DDR2: variants seen among roughly 807,000 people sequenced by gnomAD.
DDR2 encodes the protein discoidin domain-containing receptor 2.
DDR2 carries 27 observed loss-of-function variants against 94.9 expected under a neutral mutation model. That is an observed-to-expected ratio of 0.28 (90% CI 0.21 to 0.39). DDR2 has a LOEUF of 0.39. DDR2 is among the 10% of genes least tolerant of loss of function. The pLI is 1.00. For synonymous variants in DDR2, 382 were observed against 377.2 expected, an observed-to-expected ratio of 1.01 and a Z score of -0.15; for missense variants, 783 against 1,076.0, an observed-to-expected ratio of 0.73 and a Z score of 3.81.
At position 162,761,419 on chromosome 1, in the gene DDR2, C is replaced by G. The variant is rs1558071485; in HGVS notation, c.1064C>G (p.Thr355Ser). Residue 355 changes from threonine to serine, a missense_variant, in exon 9 of 18, where the codon ACC becomes AGC. Thr to Ser is a moderately conservative substitution (Grantham distance 58). Transcript: ENST00000367921. ...AIKCQYHFAD[T>S]WMMFSEITFQ... The stretch of plus-strand genomic sequence containing the variant: ...AAGTGTCAATACCATTTTGCAGATA[C>G]CTGGATGATGTTCAGTGAGATCACC... The G allele has an allele frequency of 6.2e-7, 1 of 1,614,118 alleles. No individual in the cohort carries two copies. The highest frequency in any genetic ancestry group is 8.5e-7 in the Non-Finnish European group (1 of 1,180,010).
intron 2 of DDR2, among the ~76,000 whole-genome samples, chr1:162,691,658 G>A (rs1659967559): frequency 6.6e-6 from 1 of 152,174 alleles, no homozygotes; most frequent in Non-Finnish European, 1.5e-5. Context: ...ACCTTTTGCT[G>A]ATTTCCATTG....
chr1:162,700,236 T>C (rs960855868), intron 2 of DDR2, among the ~76,000 whole-genome samples: 1 of 152,222 alleles, frequency 6.6e-6, no homozygotes, highest in Non-Finnish European at 1.5e-5. Context: ...GACAATATCC[T>C]GGCTTCTACT....
intron 3 of DDR2, among the ~76,000 whole-genome samples, chr1:162,729,901 G>A (rs866560351): frequency 6.6e-6 from 1 of 151,540 alleles, no homozygotes; most frequent in Admixed American, 6.6e-5. Context: ...GCACCACCAC[G>A]CCTGGCTAAT....
At chr1:162,679,816 TA>T (rs1659317049) in intron 2 of DDR2, among the ~76,000 whole-genome samples, 1 of 152,216 alleles carries the variant, frequency 6.6e-6, no homozygotes, top group African/African-American at 2.4e-5. Flanking sequence ...TGTTTTTTAA[TA>T]ATAGCTATTC....
At chr1:162,748,939 G>T (rs1283615320) in intron 3 of DDR2, among the ~76,000 whole-genome samples, 3 of 152,106 alleles carry the variant, frequency 2.0e-5, no homozygotes, top group Non-Finnish European at 4.4e-5. Flanking sequence ...CAGAAATAAA[G>T]ATGTTCTTTG....
intron 2 of DDR2, among the ~76,000 whole-genome samples, chr1:162,710,764 G>GCA (rs113812328): frequency 0.82 from 120,873 of 148,086 alleles, 49,260 homozygotes; most frequent in Middle Eastern, 0.91. Flanking sequence ...ACACAGTCAT[G>GCA]CACACACACA....
Position 162,755,715 on chromosome 1 carries a change from G to T in DDR2, c.617G>T (p.Gly206Val). ...GCTGGGCAGCAGTTTGTACTCCCTGGAGGTTCCATCATTTATCTGAATGAT... is the reference window on the plus strand; with the variant it reads ...GCTGGGCAGCAGTTTGTACTCCCTGTAGGTTCCATCATTTATCTGAATGAT... ...APAGQQFVLP[G>V]GSIIYLNDSV... The change falls in exon 7 of 18, where the codon GGA becomes GTA. Residue 206 changes from glycine to valine, a missense_variant. By Grantham distance (109) the Gly-to-Val change is moderately radical (BLOSUM62 -3). This residue lies in a region of DDR2 where 519 missense variants were observed against 647.9 expected (regional missense o/e 0.80). Coordinates refer to ENST00000367921, the MANE Select transcript of DDR2 (RefSeq NM_006182.4). The T allele has an allele frequency of 6.2e-7, 1 of 1,614,158 alleles. No individual in the cohort carries two copies. The highest frequency in any genetic ancestry group is 8.5e-7 in the Non-Finnish European group (1 of 1,180,022).
At chr1:162,630,878 C>T (rs1184200077), upstream of DDR2, among the ~76,000 whole-genome samples, 3 of 152,144 alleles carry the variant, frequency 2.0e-5, no homozygotes, top group African/African-American at 7.2e-5. Flanking sequence ...ACCCTCAGGC[C>T]TGACTTCAGA....
rs1449976338 is a variant in DDR2 at position 162,770,374 on chromosome 1, A to G, written c.1366A>G (p.Asn456Asp). ...GCCAAGTGATTCTAGCATGTTCAACAATAACCGCTCCTCATCACCTAGTGA... is the reference window on the plus strand; with the variant it reads ...GCCAAGTGATTCTAGCATGTTCAACGATAACCGCTCCTCATCACCTAGTGA... ...SLPSDSSMFN[N>D]NRSSSPSEQG... Residue 456 changes from asparagine (N) to aspartate (D), a missense_variant, in exon 12 of 18, where the codon AAT (asparagine) becomes GAT (aspartate). Asn to Asp is a conservative substitution (Grantham distance 23, BLOSUM62 1). This residue lies in a region of DDR2 where 519 missense variants were observed against 647.9 expected (regional missense o/e 0.80). Coordinates refer to ENST00000367921, the MANE Select transcript of DDR2 (RefSeq NM_006182.4). 8 of 1,613,990 alleles carry G rather than the reference A, an allele frequency of 5.0e-6. No homozygotes were observed. Among genetic ancestry groups the G allele is most frequent in the Admixed American group, 1.7e-5 (1 of 59,982 alleles).
intron 3 of DDR2, among the ~76,000 whole-genome samples, chr1:162,731,577 T>C (rs1256964300): frequency 1.3e-5 from 2 of 152,176 alleles, no homozygotes; most frequent in Admixed American, 1.3e-4. Flanking sequence ...ACAAGTGCAA[T>C]TACTACCATG....
intron 2 of DDR2, among the ~76,000 whole-genome samples, chr1:162,657,670 G>C (rs747665969): frequency 3.4e-4 from 51 of 152,212 alleles, no homozygotes; most frequent in Non-Finnish European, 5.3e-4. Flanking sequence ...AACAAGCTGT[G>C]GGGGGCCTGT....
chr1:162,690,309 T>A (rs1047271617), intron 2 of DDR2, among the ~76,000 whole-genome samples: 3 of 152,050 alleles, frequency 2.0e-5, no homozygotes, highest in African/African-American at 7.2e-5. Context: ...GGCTCCAGAG[T>A]CCATGTTCTT....
In DDR2 at chr1:162,776,597, A is replaced by G. The variant is rs115858006; in HGVS notation, c.2283+227A>G. ...AATTTAGGGAGAGAAGTTAAAAAGT[A>G]TAAGAGATTTATTATCTTTGTTTCT... On this transcript the variant is annotated intron_variant, in intron 16 of 17. Coordinates refer to ENST00000367921, the MANE Select transcript of DDR2 (RefSeq NM_006182.4). 2.9e-3 allele frequency among the ~76,000 whole-genome samples: 438 copies of G among 152,390 alleles called. 7 individuals carry two copies. The highest frequency in any genetic ancestry group is 1.0e-2 in the African/African-American group (415 of 41,604).
intron 2 of DDR2, among the ~76,000 whole-genome samples, chr1:162,667,643 A>AG (rs1461914792): frequency 6.6e-6 from 1 of 152,216 alleles, no homozygotes; most frequent in Non-Finnish European, 1.5e-5. Context: ...GCATAAGAAG[A>AG]GCTGTCCTTT....
At position 162,650,435 on chromosome 1, in the gene DDR2, A is replaced by C. The variant is rs144838317; in HGVS notation, c.-191-4776A>C. Among the ~76,000 whole-genome samples the C allele has an allele frequency of 3.2e-3, 489 of 152,212 alleles. 2 individuals carry two copies. The highest frequency in any genetic ancestry group is 0.011 in the African/African-American group (453 of 41,522). The stretch of plus-strand genomic sequence containing the variant: ...ACATGGTGAAAGCCCATCTCTACTA[A>C]AAGTACAAAAATTAGCAGGGTAGGG... On this transcript the variant is annotated intron_variant, in intron 1 of 17. Coordinates refer to ENST00000367921, the MANE Select transcript of DDR2 (RefSeq NM_006182.4).
intron 1 of DDR2, among the ~76,000 whole-genome samples, chr1:162,638,046 A>G (rs533218097): frequency 6.6e-6 from 1 of 152,064 alleles, no homozygotes; most frequent in Admixed American, 6.5e-5. Context: ...TTTGAGACGG[A>G]GTCTCACTCT....
chr1:162,766,998 C>T (rs1288216169), intron 10 of DDR2, among the ~76,000 whole-genome samples: 1 of 143,764 alleles, frequency 7.0e-6, no homozygotes, highest in Admixed American at 7.3e-5. Flanking sequence ...CATTGCACTC[C>T]ATCCTGAGGG....
intron 11 of DDR2, among the ~76,000 whole-genome samples, chr1:162,768,813 C>T (rs1664124166): frequency 6.6e-6 from 1 of 152,196 alleles, no homozygotes; most frequent in South Asian, 2.1e-4. Context: ...CAAATAGCAA[C>T]AGAAGACTGA....
chr1:162,662,827 A>C (rs1166849144), intron 2 of DDR2, among the ~76,000 whole-genome samples: 1 of 152,058 alleles, frequency 6.6e-6, no homozygotes, highest in South Asian at 2.1e-4. Context: ...AACAAGCAGA[A>C]GAGAATCAAG....
Sources: allele counts gnomAD v4.1 joint callset (sites outside exome capture counted in the v4.1 genomes callset), GRCh38; gene constraint gnomAD v4.1.1; regional missense constraint gnomAD v4.1.1; transcripts MANE v1.5; gene names NCBI Gene and HGNC (gene_info 2026-07-23, HGNC 2026-07-21).